FRMD4A: variants seen among roughly 807,000 people sequenced by gnomAD.
FRMD4A encodes the protein FERM domain-containing protein 4A.
In FRMD4A, 29 loss-of-function variants were observed where a neutral mutation model predicts 129.1. That is an observed-to-expected ratio of 0.22 (90% CI 0.17 to 0.31). The LOEUF (loss-of-function observed/expected upper bound fraction) is 0.31, where lower values mean the gene tolerates loss of function less well. FRMD4A is among the 10% of genes least tolerant of loss of function. The probability of loss-of-function intolerance (pLI) is 1.00; values close to 1 mark genes in which losing one functional copy is unlikely to be tolerated. For missense variants in FRMD4A, 1,272 were observed against 1,375.8 expected (o/e 0.92, Z 1.19); for synonymous variants, 634 against 571.6 (o/e 1.11, Z -1.56).
In FRMD4A at chr10:13,965,407, A is replaced by G. The variant is rs561104550; in HGVS notation, c.46-106495T>C. The stretch of plus-strand genomic sequence containing the variant: ...TCCCAATCCTCAGACTGATAAGATA[A>G]TAAGTAGAGAGTTCCATTCTCATAC... On this transcript the variant is annotated intron_variant, in intron 2 of 24. Transcript: ENST00000357447. Among the ~76,000 whole-genome samples, 8 of 152,324 alleles carry G rather than the reference A, an allele frequency of 5.3e-5. No individual in the cohort carries two copies. In the South Asian group the frequency reaches 1.7e-3, roughly 32 times the overall value.
chr10:13,690,591 A>T (rs1330936613), intron 15 of FRMD4A, among the ~76,000 whole-genome samples: 2 of 152,202 alleles, frequency 1.3e-5, no homozygotes, highest in African/African-American at 2.4e-5. Context: ...TTCAGGCTCA[A>T]ACTTGCAGGG....
intron 2 of FRMD4A, among the ~76,000 whole-genome samples, chr10:14,232,042 C>G (rs1368274755): frequency 6.6e-6 from 1 of 152,084 alleles, no homozygotes; most frequent in East Asian, 1.9e-4. Flanking sequence ...GGGTTTTCTT[C>G]TATGATTTTT....
At chr10:13,787,743 CTCT>C (rs749252899) in intron 5 of FRMD4A, among the ~76,000 whole-genome samples, 25 of 151,624 alleles carry the variant, frequency 1.6e-4, no homozygotes, top group East Asian at 5.8e-4. Flanking sequence ...ACAGGCCAGC[CTCT>C]TCTTCTTTTT....
chr10:13,921,667 G>A (rs1448361604), intron 2 of FRMD4A, among the ~76,000 whole-genome samples: 1 of 152,122 alleles, frequency 6.6e-6, no homozygotes, highest in Non-Finnish European at 1.5e-5. Context: ...GGACCTTGGG[G>A]GCTAGGTTTC....
chr10:13,798,647 G>T (rs896194217), intron 4 of FRMD4A, among the ~76,000 whole-genome samples: 8 of 152,098 alleles, frequency 5.3e-5, no homozygotes, highest in Non-Finnish European at 1.2e-4. Flanking sequence ...AACCTGGGAG[G>T]TGGAGCTTGC....
intron 2 of FRMD4A, among the ~76,000 whole-genome samples, chr10:13,874,872 C>T (rs139779651): frequency 5.9e-5 from 9 of 152,238 alleles, no homozygotes; most frequent in Non-Finnish European, 1.0e-4. Context: ...TGATTTTGCT[C>T]CTATACTTAA....
In FRMD4A at chr10:13,645,560, T is replaced by C. The variant is rs1266440049; in HGVS notation, c.*1478A>G. The C allele has an allele frequency of 6.6e-6, 1 of 152,632 alleles. No individual in the cohort carries two copies. Among genetic ancestry groups the C allele is most frequent in the Non-Finnish European group, 1.5e-5 (1 of 68,036 alleles). The allele number at this position is 152,632 out of a possible 1,614,324, so 9.5% of individuals were successfully genotyped here. A position where few individuals can be genotyped will look rare whatever the true frequency, so the allele number is the denominator to read the frequency against. ...ATGTAAACGTGCAGCTCCCACACAT[T>C]AATTTTTTTCTTCTTTCCTCCTCTT... On this transcript the variant is annotated 3_prime_UTR_variant, in exon 25 of 25. Transcript: ENST00000357447.
At chr10:14,005,516 T>C (rs2446595) in intron 2 of FRMD4A, among the ~76,000 whole-genome samples, 80,868 of 152,012 alleles carry the variant, frequency 0.53, 22,232 homozygotes, top group African/African-American at 0.67. Context: ...TTGTCGAACC[T>C]GGGCACCTAA....
intron 2 of FRMD4A, among the ~76,000 whole-genome samples, chr10:14,069,761 G>T (rs1048461779): frequency 1.3e-5 from 2 of 151,998 alleles, no homozygotes; most frequent in East Asian, 3.9e-4. Context: ...TGCCCCAGTG[G>T]CTTCCCTTAG....
chr10:14,003,306 G>A (rs1450740755), intron 2 of FRMD4A, among the ~76,000 whole-genome samples: 1 of 152,118 alleles, frequency 6.6e-6, no homozygotes, highest in Non-Finnish European at 1.5e-5. Flanking sequence ...GTCTAGTTTG[G>A]GTTTTAGGAA....
chr10:14,270,006 G>A (rs1452467190), intron 2 of FRMD4A, among the ~76,000 whole-genome samples: 3 of 152,122 alleles, frequency 2.0e-5, no homozygotes, highest in Non-Finnish European at 2.9e-5. Flanking sequence ...TCTCTCTCCT[G>A]GAGCTGCGGC....
intron 17 of FRMD4A, among the ~76,000 whole-genome samples, chr10:13,666,919 T>C (rs1224182058): frequency 1.4e-5 from 2 of 147,258 alleles, no homozygotes; most frequent in African/African-American, 2.5e-5. Flanking sequence ...TTCTTTTTTT[T>C]TTTTTTTTTT....
At chr10:13,756,617 G>A (rs2091874495) in intron 8 of FRMD4A, among the ~76,000 whole-genome samples, 1 of 152,072 alleles carries the variant, frequency 6.6e-6, no homozygotes, top group African/African-American at 2.4e-5. Flanking sequence ...CATCCGCCTC[G>A]GCCTCCCAAA....
At chr10:14,126,604 T>C (rs1262093428) in intron 2 of FRMD4A, among the ~76,000 whole-genome samples, 1 of 152,160 alleles carries the variant, frequency 6.6e-6, no homozygotes, top group Non-Finnish European at 1.5e-5. Context: ...TCCAAGCACC[T>C]TCTCCCATCT....
chr10:14,053,844 C>T (rs11258837), intron 2 of FRMD4A, among the ~76,000 whole-genome samples: 1 of 151,672 alleles, frequency 6.6e-6, no homozygotes, highest in Non-Finnish European at 1.5e-5. Flanking sequence ...GGCAACATAG[C>T]AAGATCCCGT....
chr10:13,700,138 G>A (rs1002412777), intron 14 of FRMD4A, among the ~76,000 whole-genome samples: 2 of 151,382 alleles, frequency 1.3e-5, no homozygotes, highest in East Asian at 1.9e-4. Context: ...GTAGAGATGG[G>A]GGTCTCACTA....
intron 2 of FRMD4A, among the ~76,000 whole-genome samples, chr10:14,246,880 G>T (rs987937976): frequency 4.6e-5 from 7 of 152,236 alleles, no homozygotes; most frequent in Admixed American, 2.6e-4. Flanking sequence ...AGACAGGAAG[G>T]GAAGGGGTGC....
chr10:14,115,859 G>A (rs1838171380), intron 2 of FRMD4A, among the ~76,000 whole-genome samples: 2 of 152,146 alleles, frequency 1.3e-5, no homozygotes, highest in Admixed American at 1.3e-4. Context: ...CCCAGCCTCA[G>A]GTATCTCTTC....
At chr10:13,785,216 T>C (rs2092824690) in intron 5 of FRMD4A, among the ~76,000 whole-genome samples, 1 of 152,184 alleles carries the variant, frequency 6.6e-6, no homozygotes, top group Admixed American at 6.5e-5. Context: ...TTTTTTGAAA[T>C]TGGTGAGTGA....
Sources: gnomAD v4.1 joint callset for allele counts (sites outside exome capture counted in the v4.1 genomes callset) on GRCh38, gnomAD v4.1.1 for gene constraint, MANE v1.5 for transcripts, NCBI Gene and HGNC (gene_info 2026-07-23, HGNC 2026-07-21) for gene names.